Variants in EPRS1 observed in about 807,000 individuals in gnomAD.
EPRS1 encodes the protein glutamyl-prolyl-tRNA synthetase 1, also known as bifunctional glutamate/proline--tRNA ligase.
A neutral mutation model predicts 188.3 loss-of-function variants in EPRS1; 107 were observed. The observed-to-expected ratio is 0.57, with a 90% CI of 0.49 to 0.67. The LOEUF (loss-of-function observed/expected upper bound fraction) is 0.67. Among genes scored for constraint, EPRS1 ranks in the 30% least tolerant of loss-of-function variants. EPRS1 has a pLI of 0.00. For missense variants in EPRS1, 1,577 were observed against 1,802.2 expected, an observed-to-expected ratio of 0.88 and a Z score of 2.26; for synonymous variants, 596 against 593.1, an observed-to-expected ratio of 1.00 and a Z score of -0.07.
At position 219,968,846 on chromosome 1, in the gene EPRS1, T is replaced by C; in HGVS notation, c.4499A>G (p.Asn1500Ser). The C allele has an allele frequency of 6.2e-7, 1 of 1,614,096 alleles. No individual in the cohort carries two copies. Among genetic ancestry groups the C allele is most frequent in the Non-Finnish European group, 8.5e-7 (1 of 1,179,982 alleles). ...AAATAAGGTGTAGTACTTGGCAGGGTTCTTGCCACAGACACATTTGGCTCC... is the reference window on the plus strand; with the variant it reads ...AAATAAGGTGTAGTACTTGGCAGGGCTCTTGCCACAGACACATTTGGCTCC... The part of the protein sequence containing the change: ...QPGAKCVCGK[N>S]PAKYYTLFGR... The change falls in exon 32 of 32, where the codon AAC (asparagine) becomes AGC (serine). Residue 1500 changes from asparagine (N) to serine (S), a missense_variant. Coordinates refer to ENST00000366923, the MANE Select transcript of EPRS1 (RefSeq NM_004446.3).
rs751150684 is a variant in EPRS1, at chr1:220,022,450, A to T, written c.1012T>A (p.Leu338Met). The T allele has an allele frequency of 6.2e-7, 1 of 1,614,184 alleles. No individual in the cohort carries two copies. Among genetic ancestry groups the T allele is most frequent in the Admixed American group, 1.7e-5 (1 of 60,026 alleles). The change falls in exon 9 of 32, where the codon TTG becomes ATG. Residue 338 changes from leucine (L) to methionine (M), a missense_variant. Transcript: ENST00000366923. ...CTACTCATGTCAATTTTTGCTCGCA[A>T]ACAACAGGACTGACCAAACTGGCTC... ...KGSQFGQSCC[L>M]RAKIDMSSNN...
At chr1:220,037,343 A>G (rs568175337) in intron 2 of EPRS1, among the ~76,000 whole-genome samples, 49 of 152,062 alleles carry the variant, frequency 3.2e-4, no homozygotes, top group African/African-American at 9.9e-4. Context: ...CATCTCTACT[A>G]AAAATACAAA....
chr1:220,022,606 GTTC>G, intron 8 of EPRS1, 88 bp from the exon 9 acceptor site: 1 of 1,145,206 alleles, frequency 8.7e-7, no homozygotes, highest in Non-Finnish European at 1.2e-6. Flanking sequence ...AAATTTTCAT[GTTC>G]TTGTTTTATA....
intron 23 of EPRS1, chr1:219,982,418 T>G (rs904823229): frequency 3.1e-5 from 5 of 162,826 alleles, no homozygotes; most frequent in Non-Finnish European, 6.6e-5. Context: ...AATGTATTAT[T>G]AAAATTTAAA....
chr1:220,019,889 C>G, intron 10 of EPRS1, 99 bp downstream of exon 10: 1 of 779,758 alleles, frequency 1.3e-6, no homozygotes, highest in Non-Finnish European at 2.2e-6. Context: ...TACCCATTCC[C>G]CCTCCTCCCA....
At chr1:219,994,630 G>A (rs1275753366) in intron 18 of EPRS1, among the ~76,000 whole-genome samples, 3 of 146,296 alleles carry the variant, frequency 2.1e-5, no homozygotes, top group Admixed American at 2.0e-4. Context: ...ATATGCCGTG[G>A]TAACTTCTTC....
intron 27 of EPRS1, among the ~76,000 whole-genome samples, chr1:219,979,180 T>A (rs1571655811): frequency 6.6e-6 from 1 of 152,154 alleles, no homozygotes; most frequent in South Asian, 2.1e-4. Flanking sequence ...AAACCGTTTT[T>A]AAAAAATGAC....
chr1:220,001,753 G>A (rs1209473292), intron 16 of EPRS1, among the ~76,000 whole-genome samples: 1 of 152,178 alleles, frequency 6.6e-6, no homozygotes, highest in Non-Finnish European at 1.5e-5. Context: ...TCTTGGCCGG[G>A]CGCAGTGGCT....
In EPRS1 at chr1:219,978,582, A is replaced by C. The variant is rs1398945915; in HGVS notation, c.4047T>G (p.Tyr1349Ter). The change falls in exon 28 of 32, where the codon TAT becomes TAG. Residue 1349 changes from tyrosine to a stop codon, truncating the protein, a stop_gained. Coordinates refer to ENST00000366923, the MANE Select transcript of EPRS1 (RefSeq NM_004446.3). LOFTEE classifies it high-confidence loss of function. ...IRVRADLRDN[Y>*]SPGWKFNHWE... is the part of the protein sequence containing the mutation. ...AGTGATTGAATTTCCAACCTGGAGA[A>C]TAATTATCTCGTAAATCAGCTCTAA... The C allele has an allele frequency of 6.3e-7, 1 of 1,592,652 alleles. No individual in the cohort carries two copies. The highest frequency in any genetic ancestry group is 8.6e-7 in the Non-Finnish European group (1 of 1,167,958).
At chr1:220,000,430 T>C (rs189632751) in intron 17 of EPRS1, among the ~76,000 whole-genome samples, 44 of 152,364 alleles carry the variant, frequency 2.9e-4, no homozygotes, top group Middle Eastern at 3.4e-3. Flanking sequence ...TCGCTCTCAT[T>C]CTCTCATGAC....
chr1:219,970,293 T>C (rs960979240), intron 30 of EPRS1, among the ~76,000 whole-genome samples: 2 of 152,158 alleles, frequency 1.3e-5, no homozygotes, highest in African/African-American at 4.8e-5. Flanking sequence ...AGAAATACAG[T>C]GTAAAGCAGC....
At chr1:219,994,547 G>A (rs1199042534) in intron 18 of EPRS1, among the ~76,000 whole-genome samples, 1 of 147,296 alleles carries the variant, frequency 6.8e-6, no homozygotes, top group African/African-American at 2.5e-5. Context: ...AAAAGAAAAA[G>A]AAAAAATGAA....
intron 13 of EPRS1, among the ~76,000 whole-genome samples, chr1:220,007,912 C>T (rs745554456): frequency 1.3e-5 from 2 of 152,138 alleles, no homozygotes; most frequent in South Asian, 4.1e-4. Flanking sequence ...TCGAGATCAT[C>T]CTGGCTAACA....
At chr1:219,972,241 C>T in intron 29 of EPRS1, 94 bp from the exon 30 acceptor site, 1 of 771,450 alleles carries the variant, frequency 1.3e-6, no homozygotes, top group Non-Finnish European at 2.1e-6. Context: ...GAAAAGACAA[C>T]CTGGGAGTGA....
At chr1:220,035,179 T>A (rs541606867) in intron 2 of EPRS1, among the ~76,000 whole-genome samples, 166 bp from the exon 3 acceptor site, 3 of 152,196 alleles carry the variant, frequency 2.0e-5, no homozygotes, top group Admixed American at 6.5e-5. Flanking sequence ...AGATGCAGTT[T>A]CACTCTTGTT....
rs183550990 is a variant in EPRS1 at position 219,992,312 on chromosome 1, G to C, written c.2542-3489C>G. ...CGTGAATTAAAATGCTGCAACTACAGAAGCAAATGGTGATTCAACTCCCCT... is the reference window on the plus strand; with the variant it reads ...CGTGAATTAAAATGCTGCAACTACACAAGCAAATGGTGATTCAACTCCCCT... On this transcript the variant is annotated intron_variant, in intron 18 of 31. Coordinates refer to ENST00000366923, the MANE Select transcript of EPRS1 (RefSeq NM_004446.3). Among the ~76,000 whole-genome samples, 449 of 152,304 alleles carry C rather than the reference G, an allele frequency of 2.9e-3. 5 individuals are homozygous for C. Among genetic ancestry groups the C allele is most frequent in the Admixed American group, 0.029 (443 of 15,298 alleles).
rs529584331 is a variant in EPRS1, at chr1:220,020,549, G to A, written c.1116-328C>T. On this transcript the variant is annotated intron_variant, in intron 9 of 31. Coordinates refer to ENST00000366923, the MANE Select transcript of EPRS1 (RefSeq NM_004446.3). ...TAGTAGGAAGCAATAAATAATACAT[G>A]TAATAATTTTAAGGAAATTTAGCTT... Among the ~76,000 whole-genome samples the A allele has an allele frequency of 5.9e-5, 9 of 151,940 alleles. No individual in the cohort carries two copies. The South Asian group carries it at 1.9e-3, about 32-fold the overall frequency.
Position 219,978,700 on chromosome 1 carries a change from C to T in EPRS1, c.3929G>A (p.Gly1310Asp). 1 of 1,609,406 alleles carries T rather than the reference C, an allele frequency of 6.2e-7. No homozygotes were observed. Among genetic ancestry groups the T allele is most frequent in the Non-Finnish European group, 8.5e-7 (1 of 1,177,722 alleles). The change falls in exon 28 of 32, where the codon GGC becomes GAC. Residue 1310 changes from glycine to aspartate, a missense_variant. Gly to Asp is a moderately conservative substitution (Grantham distance 94). Transcript: ENST00000366923. ...TTCTTCAGAAAGTGCATTGGTAATG[C>T]CACAAGGAATAATCACCACCTAGAA... The part of the protein sequence containing the change: ...ACVQVVIIPC[G>D]ITNALSEEDK...
intron 18 of EPRS1, 113 bp from the exon 19 acceptor site, chr1:219,988,936 G>C (rs1371747321): frequency 3.2e-6 from 2 of 634,378 alleles, no homozygotes; most frequent in East Asian, 2.8e-5. Context: ...GTTAATCATG[G>C]GGAAACCTAT....
Sources: gnomAD v4.1 joint callset for allele counts (sites outside exome capture counted in the v4.1 genomes callset) on GRCh38, gnomAD v4.1.1 for gene constraint, MANE v1.5 for transcripts, NCBI Gene and HGNC (gene_info 2026-07-23, HGNC 2026-07-21) for gene names.